The following SNX25 variants were observed in gnomAD, a reference collection of about 807,000 sequenced individuals.
The protein encoded by SNX25 is sorting nexin-25.
A neutral mutation model predicts 113.7 loss-of-function variants in SNX25; 62 were observed. The observed-to-expected ratio is 0.55, with a 90% CI of 0.44 to 0.67. The LOEUF is 0.67. Among genes scored for constraint, SNX25 ranks in the 30% least tolerant of loss-of-function variants. The probability of loss-of-function intolerance (pLI) is 0.00; values close to 1 mark genes in which losing one functional copy is unlikely to be tolerated. For synonymous variants in SNX25, 421 were observed against 436.2 expected, an observed-to-expected ratio of 0.97 and a Z score of 0.43; for missense variants, 1,014 against 1,161.0, an observed-to-expected ratio of 0.87 and a Z score of 1.84.
chr4:185,371,842 C>T (rs1357526944), downstream of SNX25, among the ~76,000 whole-genome samples: 2 of 152,160 alleles, frequency 1.3e-5, no homozygotes, highest in East Asian at 1.9e-4. Context: ...TCCTTCCCTT[C>T]ATCCTCTCTT....
chr4:185,332,107 A>G (rs929176714), intron 9 of SNX25, among the ~76,000 whole-genome samples: 2 of 152,254 alleles, frequency 1.3e-5, no homozygotes, highest in African/African-American at 4.8e-5. Context: ...ATTGATTTGT[A>G]GAATATATCA....
At chr4:185,336,887 T>G (rs931047460) in intron 10 of SNX25, among the ~76,000 whole-genome samples, 2 of 152,252 alleles carry the variant, frequency 1.3e-5, no homozygotes, top group Non-Finnish European at 2.9e-5. Context: ...CATTGTGGTT[T>G]TGATTTGCAT....
intron 5 of SNX25, among the ~76,000 whole-genome samples, chr4:185,278,693 T>G (rs1750103670): frequency 6.6e-6 from 1 of 152,158 alleles, no homozygotes; most frequent in Admixed American, 6.5e-5. Flanking sequence ...GAGAAAGCCA[T>G]TAGGACATTT....
At chr4:185,247,563 C>G (rs1002476957) in intron 2 of SNX25, among the ~76,000 whole-genome samples, 185 bp downstream of exon 2, 1 of 152,118 alleles carries the variant, frequency 6.6e-6, no homozygotes, top group Non-Finnish European at 1.5e-5. Flanking sequence ...GGGATTTACA[C>G]GTTTGTTGAG....
chr4:185,237,266 T>C (rs1264594969), intron 1 of SNX25, among the ~76,000 whole-genome samples: 1 of 152,202 alleles, frequency 6.6e-6, no homozygotes, highest in African/African-American at 2.4e-5. Context: ...TAAGATATTC[T>C]TTAGTTCATG....
At chr4:185,356,688 G>C (rs1387043778) in intron 15 of SNX25, among the ~76,000 whole-genome samples, 1 of 152,182 alleles carries the variant, frequency 6.6e-6, no homozygotes, top group African/African-American at 2.4e-5. Flanking sequence ...CTTGTACAGA[G>C]ACTTCTGTGA....
chr4:185,213,720 C>G (rs148786445), intron 1 of SNX25, among the ~76,000 whole-genome samples: 12 of 152,222 alleles, frequency 7.9e-5, no homozygotes, highest in Admixed American at 3.9e-4. Context: ...AAAACAACAG[C>G]AAGAGAAATA....
intron 4 of SNX25, among the ~76,000 whole-genome samples, 187 bp downstream of exon 4, chr4:185,264,797 A>T (rs929594729): frequency 6.6e-6 from 1 of 152,236 alleles, no homozygotes; most frequent in African/African-American, 2.4e-5. Context: ...CCAAATGCAC[A>T]GTCCATTAAG....
intron 5 of SNX25, among the ~76,000 whole-genome samples, chr4:185,278,916 C>T (rs1173555073): frequency 1.3e-5 from 2 of 151,948 alleles, no homozygotes; most frequent in Admixed American, 6.6e-5. Flanking sequence ...AAATGTTTGG[C>T]GTTTTTGAGG....
chr4:185,280,438 A>T (rs1165240704), intron 5 of SNX25, among the ~76,000 whole-genome samples: 2 of 152,256 alleles, frequency 1.3e-5, no homozygotes, highest in Admixed American at 6.5e-5. Context: ...AAACAAAAAA[A>T]TTATGTTTGC....
chr4:185,308,713 A>G lies in SNX25; in HGVS notation c.1163-1922A>G, dbSNP rs192270249. On this transcript the variant is annotated intron_variant, in intron 6 of 18. Transcript: ENST00000652585. ...GATAAACACCTACTTTTATGAGGATATATTTACGATCTCCCTTGTCAGCTT... is the reference window on the plus strand; with the variant it reads ...GATAAACACCTACTTTTATGAGGATGTATTTACGATCTCCCTTGTCAGCTT... Among the ~76,000 whole-genome samples, 495 of 152,258 alleles carry G rather than the reference A, an allele frequency of 3.3e-3. 2 individuals are homozygous for G. The highest frequency in any genetic ancestry group is 4.8e-3 in the Non-Finnish European group (325 of 68,014).
At chr4:185,284,068 A>T (rs1235689506) in intron 5 of SNX25, among the ~76,000 whole-genome samples, 1 of 152,220 alleles carries the variant, frequency 6.6e-6, no homozygotes, top group African/African-American at 2.4e-5. Context: ...ATATCTATTG[A>T]GTGCCTACCA....
chr4:185,325,789 G>A (rs942724674), intron 9 of SNX25, among the ~76,000 whole-genome samples: 16 of 152,084 alleles, frequency 1.1e-4, no homozygotes, highest in African/African-American at 3.9e-4. Context: ...ATAACTTGGG[G>A]TTCCTGGCCT....
chr4:185,237,149 GA>G (rs1201226379), intron 1 of SNX25, among the ~76,000 whole-genome samples: 5 of 85,106 alleles, frequency 5.9e-5, no homozygotes, highest in African/African-American at 1.6e-4. Flanking sequence ...GCTTGACTAA[GA>G]GGGAAAAAAA....
Position 185,209,900 on chromosome 4 carries a change from C to T in SNX25, c.74C>T (p.Pro25Leu), listed in dbSNP as rs1737466296. The T allele has an allele frequency of 1.0e-6, 1 of 983,232 alleles. No homozygotes were observed. Among genetic ancestry groups the T allele is most frequent in the South Asian group, 4.7e-5 (1 of 21,290 alleles). The allele number at this position is 983,232 out of a possible 1,614,324, so 60.9% of individuals were successfully genotyped here. A position where few individuals can be genotyped will look rare whatever the true frequency, so the allele number is the denominator to read the frequency against. Residue 25 changes from proline to leucine, a missense_variant, in exon 1 of 19, where the codon CCT (proline) becomes CTT (leucine). Pro to Leu is a moderately conservative substitution (Grantham distance 98). Transcript: ENST00000652585. The surrounding 1 kb of genome is among the most constrained non-coding windows in gnomAD (Gnocchi z 5.2). The part of the protein sequence containing the change: ...PARAAGAGGR[P>L]VSGFRGERRP... ...CGGGCCGCAGGCGCCGGCGGCCGTCCTGTCTCGGGCTTCAGGGGCGAGCGG... is the reference window on the plus strand; with the variant it reads ...CGGGCCGCAGGCGCCGGCGGCCGTCTTGTCTCGGGCTTCAGGGGCGAGCGG...
Position 185,342,562 on chromosome 4 carries a change from T to G in SNX25, c.2187+446T>G, listed in dbSNP as rs148447295. ...GCAGTAAGGTGCGGTGCTTGGAGGA[T>G]TCTGTCACATACACAAGAGAGGCAG... On this transcript the variant is annotated intron_variant, in intron 12 of 18. Transcript: ENST00000652585. 5.3e-3 allele frequency among the ~76,000 whole-genome samples: 797 copies of G among 149,348 alleles called. 2 individuals are homozygous for G. Among genetic ancestry groups the G allele is most frequent in the African/African-American group, 0.018 (728 of 40,482 alleles).
chr4:185,251,247 G>T (rs183359920), intron 2 of SNX25, among the ~76,000 whole-genome samples: 60 of 152,158 alleles, frequency 3.9e-4, no homozygotes, highest in African/African-American at 1.3e-3. Context: ...CGCTTGCCTC[G>T]GCCTCTCAAA....
chr4:185,310,908 G>T, intron 7 of SNX25, 92 bp downstream of exon 7: 1 of 1,231,904 alleles, frequency 8.1e-7, no homozygotes, highest in South Asian at 1.7e-5. Flanking sequence ...TTTTAGTATT[G>T]AACTTAGACA....
chr4:185,332,325 T>G (rs2126706773), intron 9 of SNX25, among the ~76,000 whole-genome samples: 1 of 152,292 alleles, frequency 6.6e-6, no homozygotes, highest in South Asian at 2.1e-4. Context: ...GCAGATTTCC[T>G]TAGAGGTACC....
Sources: gnomAD v4.1 joint callset for allele counts (sites outside exome capture counted in the v4.1 genomes callset) on GRCh38, gnomAD v4.1.1 for gene constraint, Gnocchi (gnomAD v3.1) non-coding constraint, MANE v1.5 for transcripts, NCBI Gene and HGNC (gene_info 2026-07-23, HGNC 2026-07-21) for gene names.